TNC: variants seen among roughly 807,000 people sequenced by gnomAD.
The protein encoded by TNC is tenascin.
In TNC, 109 loss-of-function variants were observed where a neutral mutation model predicts 202.4. The observed-to-expected ratio is 0.54, with a 90% CI of 0.46 to 0.63. The LOEUF is 0.63. Among genes scored for constraint, TNC ranks in the 30% least tolerant of loss-of-function variants. The probability of loss-of-function intolerance (pLI) is 0.00; values close to 1 mark genes in which losing one functional copy is unlikely to be tolerated. For synonymous variants in TNC, 1,007 were observed against 1,089.7 expected (o/e 0.92, Z 1.50); for missense variants, 2,756 against 2,833.3 (o/e 0.97, Z 0.62).
At chr9:115,026,930 G>A (rs189812807) in intron 25 of TNC, among the ~76,000 whole-genome samples, 11 of 152,130 alleles carry the variant, frequency 7.2e-5, no homozygotes, top group African/African-American at 1.9e-4. Flanking sequence ...CCAACATGGC[G>A]AAACCCTGTC....
chr9:115,059,611 G>A lies in TNC; in HGVS notation c.4306+119C>T, dbSNP rs7033897. ...GGGAGGTCTCTGAGCATGCACAGCC[G>A]GCCACTGAAAGGCACATGAAAAGGA... is the stretch of plus-strand genomic sequence containing the variant. On this transcript the variant is annotated intron_variant, in intron 14 of 27. Coordinates refer to ENST00000350763, the MANE Select transcript of TNC (RefSeq NM_002160.4). 3,903 of 1,088,070 alleles carry A rather than the reference G, an allele frequency of 3.6e-3. 103 individuals are homozygous for A. In the African/African-American group the frequency reaches 0.054, roughly 15 times the overall value. The allele number at this position is 1,088,070 out of a possible 1,614,324, so 67.4% of individuals were successfully genotyped here.
rs773223152 is a variant in TNC at position 115,021,265 on chromosome 9, G to A, written c.6498C>T (p.Gly2166=). The change falls in exon 28 of 28, where the codon GGC becomes GGT. Residue 2166 remains glycine (G), a splice_region_variant and synonymous_variant. Coordinates refer to ENST00000350763, the MANE Select transcript of TNC (RefSeq NM_002160.4). ...GGCCCTTCCAGTGGAACCAGTTAAC[G>A]CCCTGTTAAAAAAAAAAAAGAGAGA... ...GRYGDNNHSQ[G]VNWFHWKGHE... 175 of 1,592,270 alleles carry A rather than the reference G, an allele frequency of 1.1e-4. No homozygotes were observed. The highest frequency in any genetic ancestry group is 1.8e-4 in the Middle Eastern group (1 of 5,578).
At position 115,110,392 on chromosome 9, in the gene TNC, C is replaced by T. The variant is rs551366702; in HGVS notation, c.-137+7590G>A. Among the ~76,000 whole-genome samples the T allele has an allele frequency of 2.0e-5, 3 of 152,052 alleles. No individual in the cohort carries two copies. The South Asian group carries it at 6.2e-4, about 32-fold the overall frequency. On this transcript the variant is annotated intron_variant, in intron 1 of 27. Transcript: ENST00000350763. ...GGCCCAGGAATGTTAACCTCTATGT[C>T]TCAGGTTGAAGAAGGGGAAGGCTGG...
At chr9:115,042,804 C>T (rs1424340758) in intron 17 of TNC, among the ~76,000 whole-genome samples, 1 of 152,176 alleles carries the variant, frequency 6.6e-6, no homozygotes, top group African/African-American at 2.4e-5. Context: ...AGCCATTTTA[C>T]AGAGAACCAA....
intron 1 of TNC, among the ~76,000 whole-genome samples, chr9:115,096,166 A>G (rs1564140675): frequency 6.6e-6 from 1 of 152,188 alleles, no homozygotes; most frequent in Non-Finnish European, 1.5e-5. Context: ...ATCCCTGTCA[A>G]TGTCTCAAAA....
rs776808219 is a variant in TNC, at chr9:115,087,040, A to G, written c.691T>C (p.Cys231Arg). The G allele has an allele frequency of 6.2e-7, 1 of 1,613,424 alleles. No homozygotes were observed. The highest frequency in any genetic ancestry group is 2.2e-5 in the East Asian group (1 of 44,886). The change falls in exon 3 of 28, where the codon TGC becomes CGC. Residue 231 changes from cysteine to arginine, a missense_variant. Transcript: ENST00000350763. ...AAACAGATGCAGACTCCATTTACGCACTTGCCCTGGTCATTGCAGTCGCTG... is the reference window on the plus strand; with the variant it reads ...AAACAGATGCAGACTCCATTTACGCGCTTGCCCTGGTCATTGCAGTCGCTG... ...CPSDCNDQGK[C>R]VNGVCICFEG...
At chr9:115,046,093 G>C (rs757425250) in intron 17 of TNC, among the ~76,000 whole-genome samples, 4 of 152,026 alleles carry the variant, frequency 2.6e-5, no homozygotes, top group Non-Finnish European at 5.9e-5. Context: ...GATGATAATT[G>C]TAACGATGAT....
At chr9:115,034,693 T>C (rs1000654506) in intron 22 of TNC, among the ~76,000 whole-genome samples, 3 of 152,144 alleles carry the variant, frequency 2.0e-5, no homozygotes, top group African/African-American at 7.2e-5. Flanking sequence ...GTTTAGGAAA[T>C]CTCCTTCGCT....
At chr9:115,087,862 C>T (rs7853005) in intron 2 of TNC, among the ~76,000 whole-genome samples, 6,746 of 151,982 alleles carry the variant, frequency 0.044, 201 homozygotes, top group Middle Eastern at 0.13. Context: ...CCACCATGCC[C>T]GGCTAATTTT....
intron 10 of TNC, among the ~76,000 whole-genome samples, chr9:115,072,982 C>A (rs1833572655): frequency 1.3e-5 from 2 of 151,992 alleles, no homozygotes; most frequent in Admixed American, 6.6e-5. Flanking sequence ...AGAATGGACA[C>A]AAGTTGCATG....
intron 10 of TNC, among the ~76,000 whole-genome samples, chr9:115,071,917 A>C (rs901412207): frequency 3.9e-5 from 6 of 152,066 alleles, no homozygotes; most frequent in Admixed American, 2.0e-4. Flanking sequence ...CTTATTTTTT[A>C]ATTAAACTAT....
rs1834537512 is a variant in TNC at position 115,084,279 on chromosome 9, C to T, written c.2061G>A (p.Glu687=). ...GGATGGCAAATACACGGATAAAGTA[C>T]TCCACACCAGGCTCCAGCTCCTGGA... The part of the protein sequence containing the change: ...TIIQELEPGV[E]YFIRVFAILE... The change falls in exon 4 of 28, where the codon GAG becomes GAA. Residue 687 remains glutamate, a synonymous_variant. Coordinates refer to ENST00000350763, the MANE Select transcript of TNC (RefSeq NM_002160.4). 3 of 1,614,182 alleles carry T rather than the reference C, an allele frequency of 1.9e-6. No individual in the cohort carries two copies. The highest frequency in any genetic ancestry group is 2.2e-5 in the South Asian group (2 of 91,086).
chr9:115,085,961 G>A lies in TNC; in HGVS notation c.1770C>T (p.Gly590=), dbSNP rs1330903380. The change falls in exon 3 of 28, where the codon GGC becomes GGT. Residue 590 remains glycine, a synonymous_variant. Transcript: ENST00000350763. Reference sequence around the variant, plus strand: ...TGCAGTCACTGGGGCAGGAGTGCTGGCCACAGTCCAGGCCTGTGAAGCCCT... The same window carrying A: ...TGCAGTCACTGGGGCAGGAGTGCTGACCACAGTCCAGGCCTGTGAAGCCCT... ...CHEGFTGLDC[G]QHSCPSDCNN... 6.2e-7 allele frequency: 1 copy of A among 1,613,788 alleles called. No individual in the cohort carries two copies. The highest frequency in any genetic ancestry group is 8.5e-7 in the Non-Finnish European group (1 of 1,179,934).
intron 26 of TNC, among the ~76,000 whole-genome samples, chr9:115,025,524 G>T (rs1188661790): frequency 6.6e-6 from 1 of 152,104 alleles, no homozygotes; most frequent in East Asian, 1.9e-4. Flanking sequence ...GTGGGCATGG[G>T]TTGCATGGGG....
intron 26 of TNC, 68 bp from the exon 27 acceptor site, chr9:115,024,204 C>A (rs1829301508): frequency 1.3e-6 from 2 of 1,536,248 alleles, no homozygotes; most frequent in Non-Finnish European, 8.9e-7. Context: ...CAGTAAAGGG[C>A]AGAACCAGAG....
chr9:115,048,445 A>G lies in TNC; in HGVS notation c.4667T>C (p.Phe1556Ser). The G allele has an allele frequency of 1.2e-6, 2 of 1,614,076 alleles. No homozygotes were observed. Among genetic ancestry groups the G allele is most frequent in the Admixed American group, 1.7e-5 (1 of 59,978 alleles). The change falls in exon 16 of 28, where the codon TTT becomes TCT. Residue 1556 changes from phenylalanine (F) to serine (S), a missense_variant. Physicochemically the swap from Phe to Ser is radical, Grantham distance 155 (BLOSUM62 -2). This residue lies in a region of TNC where 2,559 missense variants were observed against 2,546.0 expected (regional missense o/e 1.01). Coordinates refer to ENST00000350763, the MANE Select transcript of TNC (RefSeq NM_002160.4). Reference protein sequence around the residue: ...TVSWMASENAFDSFLVTVVDS... With the variant: ...TVSWMASENASDSFLVTVVDS... Reference sequence around the variant, plus strand: ...CACCACCGTTACTAGAAAGCTGTCAAAGGCATTCTCCGATGCCATCCAGGA... The same window carrying G: ...CACCACCGTTACTAGAAAGCTGTCAGAGGCATTCTCCGATGCCATCCAGGA...
At position 115,049,138 on chromosome 9, in the gene TNC, A is replaced by G. The variant is rs550176354; in HGVS notation, c.4580-606T>C. 2.0e-5 allele frequency among the ~76,000 whole-genome samples: 3 copies of G among 152,236 alleles called. No individual in the cohort carries two copies. The East Asian group carries it at 5.8e-4, about 29-fold the overall frequency. ...ACTAAGAAATGATAAGATTTGCTAA[A>G]TCTTTTGCTGTTTATTTTCCTGGAT... On this transcript the variant is annotated intron_variant, in intron 15 of 27. Transcript: ENST00000350763.
chr9:115,058,153 C>A (rs1391976222), intron 14 of TNC, among the ~76,000 whole-genome samples: 1 of 152,226 alleles, frequency 6.6e-6, no homozygotes, highest in Non-Finnish European at 1.5e-5. Context: ...TTTAGGCCAT[C>A]CCTTTCAGCG....
chr9:115,046,427 C>A lies in TNC; in HGVS notation c.5108G>T (p.Ser1703Ile). ...TACAGTACCTGTTGTTGCTATAGCA[C>A]TGACTGTCTGGGATCGCCTTCCTTT... ...ISKGRRSQTV[S>I]AIATTAMGSP... The change falls in exon 17 of 28, where the codon AGT (serine) becomes ATT (isoleucine). Residue 1703 changes from serine (S) to isoleucine (I), a missense_variant. Transcript: ENST00000350763. 3.1e-6 allele frequency: 5 copies of A among 1,614,098 alleles called. No individual in the cohort carries two copies. The highest frequency in any genetic ancestry group is 4.2e-6 in the Non-Finnish European group (5 of 1,179,970).
Sources: allele counts gnomAD v4.1 joint callset (sites outside exome capture counted in the v4.1 genomes callset), GRCh38; gene constraint gnomAD v4.1.1; regional missense constraint gnomAD v4.1.1; transcripts MANE v1.5; gene names NCBI Gene and HGNC (gene_info 2026-07-23, HGNC 2026-07-21).